The following MICAL3 variants were observed in gnomAD, a reference collection of about 807,000 sequenced individuals.
MICAL3 encodes the protein [F-actin]-monooxygenase MICAL3.
MICAL3 carries 62 observed loss-of-function variants against 207.4 expected under a neutral mutation model. The ratio of observed to expected loss-of-function variants is 0.30; its 90% CI spans 0.24 to 0.37. MICAL3 has a LOEUF of 0.37. MICAL3 is among the 10% of genes least tolerant of loss of function. The pLI is 1.00. For synonymous variants in MICAL3, 1,077 were observed against 1,069.3 expected, an observed-to-expected ratio of 1.01 and a Z score of -0.14; for missense variants, 2,368 against 2,635.6, an observed-to-expected ratio of 0.90 and a Z score of 2.22.
intron 29 of MICAL3, among the ~76,000 whole-genome samples, chr22:17,802,273 C>T (rs1306445291): frequency 5.9e-5 from 9 of 152,094 alleles, no homozygotes; most frequent in Non-Finnish European, 1.0e-4. Context: ...CCATCTTGCC[C>T]AGGCTAGTTT....
intron 5 of MICAL3, among the ~76,000 whole-genome samples, chr22:17,901,541 G>A (rs1411633727): frequency 1.3e-5 from 2 of 152,094 alleles, no homozygotes; most frequent in African/African-American, 2.4e-5. Context: ...ATGGTGGCAC[G>A]CGCCTGTAGT....
chr22:17,891,644 A>T lies in MICAL3; in HGVS notation c.1547-12T>A. 6.2e-7 allele frequency: 1 copy of T among 1,613,360 alleles called. No individual in the cohort carries two copies. Among genetic ancestry groups the T allele is most frequent in the Non-Finnish European group, 8.5e-7 (1 of 1,179,492 alleles). On this transcript the variant is annotated splice_polypyrimidine_tract_variant and intron_variant, in intron 11 of 31. Transcript: ENST00000441493. ...ACGAGCTACAGACTCTAAAACAACA[A>T]AACACAGTATTATTGGAGGTGTGGT...
At chr22:17,877,114 TTAGG>T in intron 16 of MICAL3, among the ~76,000 whole-genome samples, 1 of 147,180 alleles carries the variant, frequency 6.8e-6, no homozygotes, top group East Asian at 2.0e-4. Flanking sequence ...GTTATGGAGG[TTAGG>T]GAGGTTATGG....
At chr22:17,965,691 C>G (rs1450045109) in intron 1 of MICAL3, among the ~76,000 whole-genome samples, 3 of 152,202 alleles carry the variant, frequency 2.0e-5, no homozygotes, top group African/African-American at 7.2e-5. Context: ...TCCCAGGAAG[C>G]CTGGAACCGT....
At position 18,015,301 on chromosome 22, in the gene MICAL3, T is replaced by C. The variant is rs941043312; in HGVS notation, c.-75+8980A>G. Among the ~76,000 whole-genome samples, 3 of 152,208 alleles carry C rather than the reference T, an allele frequency of 2.0e-5. No homozygotes were observed. The East Asian group carries it at 5.8e-4, about 29-fold the overall frequency. ...GTAATATATCATAATTTCTGAGATT[T>C]CTCTTTTCTTCTACATTCATTTCTT... On this transcript the variant is annotated intron_variant, in intron 1 of 31. Coordinates refer to ENST00000441493, the MANE Select transcript of MICAL3 (RefSeq NM_015241.3).
At chr22:17,946,054 A>G (rs1233672694) in intron 1 of MICAL3, among the ~76,000 whole-genome samples, 1 of 152,180 alleles carries the variant, frequency 6.6e-6, no homozygotes, top group Non-Finnish European at 1.5e-5. Flanking sequence ...ACAACAGGGT[A>G]TTAAGTGGAG....
At chr22:17,819,180 C>A in intron 25 of MICAL3, 51 bp from the exon 26 acceptor site, 1 of 1,420,082 alleles carries the variant, frequency 7.0e-7, no homozygotes, top group Non-Finnish European at 9.2e-7. Flanking sequence ...CTTTCACGAC[C>A]AGCAGCATCC....
chr22:17,979,475 G>A (rs923163222), intron 1 of MICAL3, among the ~76,000 whole-genome samples: 10 of 152,300 alleles, frequency 6.6e-5, no homozygotes, highest in African/African-American at 2.4e-4. Flanking sequence ...AACCCAGGAG[G>A]TGAGGGTTGC....
intron 20 of MICAL3, among the ~76,000 whole-genome samples, chr22:17,832,600 G>A (rs1199434837): frequency 1.3e-5 from 2 of 152,184 alleles, no homozygotes; most frequent in Non-Finnish European, 2.9e-5. Flanking sequence ...CAGGGCAGTG[G>A]ACTCATTCTG....
At chr22:17,951,996 G>A (rs1037415600) in intron 1 of MICAL3, among the ~76,000 whole-genome samples, 17 of 152,062 alleles carry the variant, frequency 1.1e-4, no homozygotes, top group African/African-American at 2.9e-4. Flanking sequence ...TGTGCCGGGC[G>A]TAAAATTTCT....
chr22:17,821,544 A>T, intron 24 of MICAL3, 35 bp from the exon 25 acceptor site: 1 of 1,516,754 alleles, frequency 6.6e-7, no homozygotes, highest in South Asian at 1.2e-5. Flanking sequence ...TACAAGAGGA[A>T]GCCCCCCCAT....
chr22:17,958,505 C>T (rs745653203), intron 1 of MICAL3, among the ~76,000 whole-genome samples: 6 of 152,104 alleles, frequency 3.9e-5, no homozygotes, highest in Non-Finnish European at 5.9e-5. Flanking sequence ...CCTCATCCCC[C>T]GTTAAAGCTA....
At position 17,877,530 on chromosome 22, in the gene MICAL3, AGGGAG is replaced by A. The variant is rs1928932204; in HGVS notation, c.2242-5512_2242-5508del. 1.5e-5 allele frequency among the ~76,000 whole-genome samples: 2 copies of A among 137,484 alleles called. 1 individual carries two copies. Among genetic ancestry groups the A allele is most frequent in the African/African-American group, 5.5e-5 (2 of 36,386 alleles). The allele number at this position is 137,484 out of a possible 152,430, so 90.2% of individuals were successfully genotyped here. A position where few individuals can be genotyped will look rare whatever the true frequency, so the allele number is the denominator to read the frequency against. Reference sequence around the variant, plus strand: ...GGAGGTTAGGGAGGTTAGGGAGGTGAGGGAGGTTATGGAGGTGAGGGAGGTTATGG... The same window carrying A: ...GGAGGTTAGGGAGGTTAGGGAGGTGAGTTATGGAGGTGAGGGAGGTTATGG... On this transcript the variant is annotated intron_variant, in intron 16 of 31. Coordinates refer to ENST00000441493, the MANE Select transcript of MICAL3 (RefSeq NM_015241.3).
At chr22:18,013,917 C>T (rs1287375250) in intron 1 of MICAL3, among the ~76,000 whole-genome samples, 1 of 152,052 alleles carries the variant, frequency 6.6e-6, no homozygotes, top group Non-Finnish European at 1.5e-5. Context: ...CTTCTCACCT[C>T]AGCCTCCCCA....
chr22:17,976,622 C>T (rs1159743076), intron 1 of MICAL3, among the ~76,000 whole-genome samples: 10 of 121,132 alleles, frequency 8.3e-5, no homozygotes, highest in Admixed American at 6.3e-4. Context: ...CAGAGTCTCA[C>T]TCTGTCGCCC....
intron 22 of MICAL3, among the ~76,000 whole-genome samples, chr22:17,826,985 G>A (rs1432035945): frequency 6.6e-6 from 1 of 152,252 alleles, no homozygotes; most frequent in Non-Finnish European, 1.5e-5. Flanking sequence ...ACGCACAGAA[G>A]TGACAGCAGA....
At chr22:17,826,498 A>C (rs1381085192) in intron 22 of MICAL3, 25 of 985,868 alleles carry the variant, frequency 2.5e-5, no homozygotes, top group Non-Finnish European at 2.9e-5. Flanking sequence ...CGCGTGGCGT[A>C]TGGAGGGAAG....
At chr22:17,836,406 G>A (rs747630038) in intron 20 of MICAL3, among the ~76,000 whole-genome samples, 11 of 152,200 alleles carry the variant, frequency 7.2e-5, no homozygotes, top group Non-Finnish European at 1.6e-4. Flanking sequence ...TTTGCATAAG[G>A]AGAAGTCGGG....
rs868321662 is a variant in MICAL3, at chr22:17,809,755, C to G, written c.5557-818G>C. Among the ~76,000 whole-genome samples, 9 of 152,332 alleles carry G rather than the reference C, an allele frequency of 5.9e-5. No individual in the cohort carries two copies. The Middle Eastern group carries it at 0.01, about 173-fold the overall frequency. On this transcript the variant is annotated intron_variant, in intron 28 of 31. Coordinates refer to ENST00000441493, the MANE Select transcript of MICAL3 (RefSeq NM_015241.3). ...ACCTCTGACCTCTTCCCACAAAAATCCCAGGCCTATCAGAGGCTGAGGGGC... is the reference window on the plus strand; with the variant it reads ...ACCTCTGACCTCTTCCCACAAAAATGCCAGGCCTATCAGAGGCTGAGGGGC...
Sources: allele counts gnomAD v4.1 joint callset (sites outside exome capture counted in the v4.1 genomes callset), GRCh38; gene constraint gnomAD v4.1.1; transcripts MANE v1.5; gene names NCBI Gene and HGNC (gene_info 2026-07-23, HGNC 2026-07-21).